Variants in MGAT4C observed in about 807,000 individuals in gnomAD.
The protein encoded by MGAT4C is MGAT4 family member C.
A neutral mutation model predicts 40.1 loss-of-function variants in MGAT4C; 19 were observed. That is an observed-to-expected ratio of 0.47 (90% CI 0.33 to 0.70). The LOEUF is 0.70. MGAT4C is among the 30% of genes least tolerant of loss of function. The pLI is 0.02. For missense variants in MGAT4C, 491 were observed against 563.2 expected, an observed-to-expected ratio of 0.87 and a Z score of 1.30; for synonymous variants, 181 against 187.1, an observed-to-expected ratio of 0.97 and a Z score of 0.27.
chr12:86,010,095 A>G (rs1431872043), intron 2 of MGAT4C, among the ~76,000 whole-genome samples: 2 of 152,334 alleles, frequency 1.3e-5, no homozygotes, highest in Admixed American at 6.5e-5. Context: ...AATGTTATAT[A>G]TTGTGATAAT....
At chr12:86,508,910 G>GT (rs975848807) in intron 2 of MGAT4C, among the ~76,000 whole-genome samples, 4 of 150,330 alleles carry the variant, frequency 2.7e-5, no homozygotes, top group Non-Finnish European at 4.4e-5. Flanking sequence ...GGGGTTGTTT[G>GT]TTTTTTTCTT....
chr12:86,494,846 G>T (rs1333294455), intron 2 of MGAT4C, among the ~76,000 whole-genome samples: 1 of 151,998 alleles, frequency 6.6e-6, no homozygotes, highest in Admixed American at 6.6e-5. Flanking sequence ...AACATAAAGT[G>T]TTCTTAGCTT....
At chr12:86,076,921 G>A (rs1485191405) in intron 1 of MGAT4C, among the ~76,000 whole-genome samples, 1 of 152,170 alleles carries the variant, frequency 6.6e-6, no homozygotes, top group Non-Finnish European at 1.5e-5. Flanking sequence ...GAAGAACATG[G>A]AGTCCAATGT....
At chr12:86,365,071 A>G (rs537426292) in intron 3 of MGAT4C, among the ~76,000 whole-genome samples, 1 of 152,056 alleles carries the variant, frequency 6.6e-6, no homozygotes, top group African/African-American at 2.4e-5. Context: ...GGCTTATTTC[A>G]TCCCTACAGC....
At chr12:86,497,986 T>A (rs2136330629) in intron 2 of MGAT4C, among the ~76,000 whole-genome samples, 1 of 145,454 alleles carries the variant, frequency 6.9e-6, no homozygotes, top group East Asian at 2.0e-4. Context: ...ATATATATAA[T>A]CTTTATATAT....
At chr12:86,153,877 A>G (rs569479622) in intron 1 of MGAT4C, among the ~76,000 whole-genome samples, 31 of 152,302 alleles carry the variant, frequency 2.0e-4, no homozygotes, top group African/African-American at 7.5e-4. Flanking sequence ...GCAGTGTGAA[A>G]ATAGACTAAT....
At chr12:86,427,290 T>C (rs1379699409) in intron 3 of MGAT4C, among the ~76,000 whole-genome samples, 1 of 152,090 alleles carries the variant, frequency 6.6e-6, no homozygotes, top group Non-Finnish European at 1.5e-5. Context: ...ACTGGAGAGG[T>C]AGAGAGTATT....
At chr12:86,000,675 C>G (rs535883815) in intron 2 of MGAT4C, among the ~76,000 whole-genome samples, 22 of 152,028 alleles carry the variant, frequency 1.4e-4, no homozygotes, top group Admixed American at 3.3e-4. Context: ...TCTAATAAAG[C>G]ATTTTTATTA....
intron 2 of MGAT4C, among the ~76,000 whole-genome samples, chr12:86,690,736 G>C (rs2136596736): frequency 6.6e-6 from 1 of 152,206 alleles, no homozygotes; most frequent in South Asian, 2.1e-4. Flanking sequence ...GACCGGAGCT[G>C]TTCCTATTTG....
chr12:86,119,246 G>A (rs1878950867), intron 1 of MGAT4C, among the ~76,000 whole-genome samples: 1 of 151,854 alleles, frequency 6.6e-6, no homozygotes, highest in Admixed American at 6.6e-5. Context: ...AGTTGGAGAT[G>A]TGGCCTAAGT....
At chr12:86,660,473 A>G (rs1158399062) in intron 2 of MGAT4C, among the ~76,000 whole-genome samples, 1 of 152,180 alleles carries the variant, frequency 6.6e-6, no homozygotes, top group Non-Finnish European at 1.5e-5. Context: ...ATCTATATGG[A>G]AGTGTCCTCT....
chr12:86,645,459 G>T (rs369107625), intron 2 of MGAT4C, among the ~76,000 whole-genome samples: 27 of 151,784 alleles, frequency 1.8e-4, no homozygotes, highest in African/African-American at 6.5e-4. Context: ...CAGAAGAAAT[G>T]CTCGGTGGTA....
At chr12:86,260,844 G>A (rs929102261), upstream of MGAT4C, among the ~76,000 whole-genome samples, 1 of 151,762 alleles carries the variant, frequency 6.6e-6, no homozygotes, top group African/African-American at 2.4e-5. Flanking sequence ...TTGCTAATTG[G>A]TAATTGCTCA....
intron 2 of MGAT4C, among the ~76,000 whole-genome samples, chr12:86,708,588 C>G (rs1950503503): frequency 6.6e-6 from 1 of 152,144 alleles, no homozygotes; most frequent in Admixed American, 6.5e-5. Context: ...GCCACAGACA[C>G]TCAGCGCTAG....
intron 1 of MGAT4C, among the ~76,000 whole-genome samples, chr12:86,808,321 A>G (rs1031727324): frequency 6.6e-6 from 1 of 152,058 alleles, no homozygotes; most frequent in East Asian, 1.9e-4. Context: ...AGAGATATAC[A>G]ACAAAAAAGG....
At chr12:86,596,607 T>C (rs1389048710) in intron 2 of MGAT4C, among the ~76,000 whole-genome samples, 2 of 152,172 alleles carry the variant, frequency 1.3e-5, no homozygotes, top group African/African-American at 4.8e-5. Context: ...TAAGGAATAA[T>C]GAATGCCTTC....
In MGAT4C at chr12:85,978,276, C is replaced by T. The variant is rs1884160258; in HGVS notation, c.*1013G>A. 1 of 151,522 alleles carries T rather than the reference C, an allele frequency of 6.6e-6. No individual in the cohort carries two copies. Among genetic ancestry groups the T allele is most frequent in the African/African-American group, 2.4e-5 (1 of 41,370 alleles). The allele number at this position is 151,522 out of a possible 1,614,324, so 9.4% of individuals were successfully genotyped here. A position where few individuals can be genotyped will look rare whatever the true frequency, so the allele number is the denominator to read the frequency against. On this transcript the variant is annotated 3_prime_UTR_variant, in exon 5 of 5. Transcript: ENST00000611864. ...GAGCATTGTCTGGTTATCAGAATAT[C>T]AGATCTCTCATTCTGGCCTTGCTAG... is the stretch of plus-strand genomic sequence containing the variant.
intron 2 of MGAT4C, among the ~76,000 whole-genome samples, chr12:86,463,446 T>A (rs1304365310): frequency 6.6e-6 from 1 of 152,136 alleles, no homozygotes; most frequent in Admixed American, 6.5e-5. Flanking sequence ...AAATTTCCCA[T>A]TCCTCTAGGC....
chr12:86,103,523 A>G (rs1875513587), intron 1 of MGAT4C, among the ~76,000 whole-genome samples: 1 of 152,182 alleles, frequency 6.6e-6, no homozygotes. Flanking sequence ...GAGCCTCTGT[A>G]GGGAGTGCCA....
Sources: gnomAD v4.1 joint callset for allele counts (sites outside exome capture counted in the v4.1 genomes callset) on GRCh38, gnomAD v4.1.1 for gene constraint, MANE v1.5 for transcripts, NCBI Gene and HGNC (gene_info 2026-07-23, HGNC 2026-07-21) for gene names.